Variants in LYPD6B observed in about 807,000 individuals in gnomAD.
LYPD6B encodes the protein ly6/PLAUR domain-containing protein 6B.
A neutral mutation model predicts 22.8 loss-of-function variants in LYPD6B; 17 were observed. That is an observed-to-expected ratio of 0.75 (90% CI 0.51 to 1.12). LYPD6B has a LOEUF of 1.12. Ranked by LOEUF, LYPD6B falls within the 50% of genes most tolerant of loss-of-function variation. The pLI, the probability that LYPD6B is intolerant of heterozygous loss-of-function variation, is 0.00. For missense variants in LYPD6B, 221 were observed against 258.3 expected, an observed-to-expected ratio of 0.86 and a Z score of 0.99; for synonymous variants, 106 against 91.6, an observed-to-expected ratio of 1.16 and a Z score of -0.90.
At chr2:149,095,154 G>T (rs942914629) in intron 1 of LYPD6B, among the ~76,000 whole-genome samples, 1 of 152,020 alleles carries the variant, frequency 6.6e-6, no homozygotes, top group African/African-American at 2.4e-5. Context: ...AAATTAGCCG[G>T]GGATGGTGGC....
intron 3 of LYPD6B, among the ~76,000 whole-genome samples, chr2:149,193,773 G>A (rs553352084): frequency 6.6e-6 from 1 of 152,052 alleles, no homozygotes; most frequent in East Asian, 1.9e-4. Context: ...ATCTTAGAAA[G>A]GAAACTGTAG....
chr2:149,174,661 T>A (rs1235151881), intron 3 of LYPD6B, among the ~76,000 whole-genome samples: 2 of 152,166 alleles, frequency 1.3e-5, no homozygotes, highest in African/African-American at 4.8e-5. Flanking sequence ...TTGTCTTTAG[T>A]TCTGTTTATA....
intron 3 of LYPD6B, among the ~76,000 whole-genome samples, chr2:149,171,764 C>T (rs1008460308): frequency 1.3e-5 from 2 of 152,174 alleles, no homozygotes; most frequent in African/African-American, 4.8e-5. Flanking sequence ...TGAAGATGTT[C>T]TGTTGGTTTA....
chr2:149,058,572 T>G (rs1192363447), intron 1 of LYPD6B, among the ~76,000 whole-genome samples: 1 of 152,220 alleles, frequency 6.6e-6, no homozygotes, highest in Non-Finnish European at 1.5e-5. Flanking sequence ...GAATTTGTGT[T>G]TATGGAGTCT....
chr2:149,107,943 G>A (rs1320182330), intron 1 of LYPD6B, among the ~76,000 whole-genome samples: 1 of 152,072 alleles, frequency 6.6e-6, no homozygotes, highest in Non-Finnish European at 1.5e-5. Flanking sequence ...ATTGAAAGAG[G>A]GGTATTTACA....
intron 1 of LYPD6B, among the ~76,000 whole-genome samples, chr2:149,094,930 A>G (rs188464646): frequency 9.8e-4 from 149 of 152,336 alleles, no homozygotes; most frequent in Non-Finnish European, 1.8e-3. Context: ...CTGGCTTGTC[A>G]TGGAATTTTT....
intron 1 of LYPD6B, among the ~76,000 whole-genome samples, chr2:149,054,478 G>A (rs6749580): frequency 1.4e-4 from 21 of 152,088 alleles, no homozygotes; most frequent in African/African-American, 3.6e-4. Flanking sequence ...TTGTTTTTAC[G>A]TATTCTGGAT....
intron 3 of LYPD6B, chr2:149,187,512 G>A (rs1692196184): frequency 1.6e-5 from 24 of 1,500,862 alleles, no homozygotes; most frequent in Non-Finnish European, 2.1e-5. Flanking sequence ...GCTGAATATT[G>A]GAAAGTAAGA....
At chr2:149,140,508 C>T (rs538058882) in intron 2 of LYPD6B, among the ~76,000 whole-genome samples, 2 of 152,292 alleles carry the variant, frequency 1.3e-5, no homozygotes, top group South Asian at 4.1e-4. Flanking sequence ...GCCCGTTCAG[C>T]ATGGCAATTG....
intron 1 of LYPD6B, among the ~76,000 whole-genome samples, chr2:149,056,633 TACAC>T (rs944742018): frequency 6.6e-6 from 1 of 152,164 alleles, no homozygotes; most frequent in African/African-American, 2.4e-5. Flanking sequence ...TGTTTTATCT[TACAC>T]ACATGCATGC....
Position 149,205,367 on chromosome 2 carries a change from G to C in LYPD6B, c.192G>C (p.Lys64Asn). The change falls in exon 4 of 7, where the codon AAG (lysine) becomes AAC (asparagine). Residue 64 changes from lysine to asparagine, a missense_variant. By Grantham distance (94) the Lys-to-Asn change is moderately conservative. Coordinates refer to ENST00000409642, the MANE Select transcript of LYPD6B (RefSeq NM_177964.5). ...TCTCAGAAAGCTGGGCATTTGCCAAGAACATCAACTTCTATAATGTGAGGC... is the reference window on the plus strand; with the variant it reads ...TCTCAGAAAGCTGGGCATTTGCCAACAACATCAACTTCTATAATGTGAGGC... Reference protein sequence around the residue: ...VIFSESWAFAKNINFYNVRPP... With the variant: ...VIFSESWAFANNINFYNVRPP... 6.2e-7 allele frequency: 1 copy of C among 1,614,004 alleles called. No individual in the cohort carries two copies. Among genetic ancestry groups the C allele is most frequent in the Non-Finnish European group, 8.5e-7 (1 of 1,179,850 alleles).
intron 1 of LYPD6B, among the ~76,000 whole-genome samples, chr2:149,087,944 G>A (rs373180042): frequency 8.5e-5 from 13 of 152,126 alleles, no homozygotes; most frequent in African/African-American, 2.9e-4. Context: ...CCACCACTAG[G>A]GGGTAACGCT....
At chr2:149,065,710 T>C (rs771033915) in intron 1 of LYPD6B, among the ~76,000 whole-genome samples, 1 of 152,028 alleles carries the variant, frequency 6.6e-6, no homozygotes. Context: ...ATACAACTTA[T>C]TTATTTATTT....
intron 1 of LYPD6B, among the ~76,000 whole-genome samples, chr2:149,123,831 G>A (rs1687526682): frequency 6.6e-6 from 1 of 152,236 alleles, no homozygotes; most frequent in South Asian, 2.1e-4. Flanking sequence ...CTGCACTCCA[G>A]CCTGGCCGAC....
At chr2:149,137,534 G>A (rs1688440522) in intron 2 of LYPD6B, among the ~76,000 whole-genome samples, 1 of 152,152 alleles carries the variant, frequency 6.6e-6, no homozygotes. Flanking sequence ...AATTCAACAA[G>A]AGCAGAGATT....
chr2:149,154,827 C>G (rs1689598274), intron 2 of LYPD6B, among the ~76,000 whole-genome samples: 1 of 152,088 alleles, frequency 6.6e-6, no homozygotes, highest in African/African-American at 2.4e-5. Context: ...TATTTTGTGT[C>G]CAATGCTATA....
intron 2 of LYPD6B, among the ~76,000 whole-genome samples, chr2:149,147,769 C>A (rs895967797): frequency 2.0e-5 from 3 of 152,142 alleles, no homozygotes; most frequent in African/African-American, 4.8e-5. Context: ...TCATCTTGGC[C>A]TCCCAAAGTG....
At chr2:149,065,453 C>T (rs1210435474) in intron 1 of LYPD6B, among the ~76,000 whole-genome samples, 1 of 152,168 alleles carries the variant, frequency 6.6e-6, no homozygotes, top group Non-Finnish European at 1.5e-5. Flanking sequence ...AATCTGTGCT[C>T]CTGCTTTAGA....
chr2:149,116,027 T>C (rs1052217615), intron 1 of LYPD6B, among the ~76,000 whole-genome samples: 4 of 152,218 alleles, frequency 2.6e-5, no homozygotes. Flanking sequence ...AAGTTAACAG[T>C]AGCCTAACAT....
Sources: gnomAD v4.1 joint callset for allele counts (sites outside exome capture counted in the v4.1 genomes callset) on GRCh38, gnomAD v4.1.1 for gene constraint, MANE v1.5 for transcripts, NCBI Gene and HGNC (gene_info 2026-07-23, HGNC 2026-07-21) for gene names.